Variants in SOX13 observed in about 807,000 individuals in gnomAD.
SOX13 encodes SRY-box transcription factor 13.
A neutral mutation model predicts 71.8 loss-of-function variants in SOX13; 28 were observed. The observed-to-expected ratio is 0.39, with a 90% confidence interval of 0.29 to 0.53. The LOEUF is 0.53. SOX13 is among the 20% of genes least tolerant of loss of function. The pLI, the probability that SOX13 is intolerant of heterozygous loss-of-function variation, is 0.70. For missense variants in SOX13, 627 were observed against 810.3 expected (o/e 0.77, Z 2.75); for synonymous variants, 309 against 317.8 (o/e 0.97, Z 0.29).
At chr1:204,094,243 G>A (rs1010257362) in intron 1 of SOX13, among the ~76,000 whole-genome samples, 53 of 152,342 alleles carry the variant, frequency 3.5e-4, no homozygotes, top group African/African-American at 1.3e-3. Context: ...ATGAGCCCAA[G>A]ATTGTACATT....
At chr1:204,113,156 C>G (rs1185590702) in intron 2 of SOX13, 22 bp downstream of exon 2, 1 of 1,508,148 alleles carries the variant, frequency 6.6e-7, no homozygotes, top group Non-Finnish European at 8.9e-7. Context: ...CGCCCTGCCT[C>G]CATCCTCACA....
chr1:204,117,924 T>C (rs1438510834), intron 7 of SOX13: 15 of 564,778 alleles, frequency 2.7e-5, no homozygotes, highest in Admixed American at 1.2e-4. Flanking sequence ...CCTTTCCAGA[T>C]GTAAAATGAT....
chr1:204,090,792 T>C (rs1656126015), intron 1 of SOX13, among the ~76,000 whole-genome samples: 1 of 152,190 alleles, frequency 6.6e-6, no homozygotes, highest in Admixed American at 6.5e-5. Context: ...AAGTGTGTAT[T>C]GAGCATGGAT....
At chr1:204,097,839 T>A (rs1219306052) in intron 1 of SOX13, among the ~76,000 whole-genome samples, 1 of 152,158 alleles carries the variant, frequency 6.6e-6, no homozygotes, top group Non-Finnish European at 1.5e-5. Flanking sequence ...GGGTGATTTT[T>A]AAAATTGTTT....
At chr1:204,079,765 C>T (rs1655861514) in intron 1 of SOX13, among the ~76,000 whole-genome samples, 1 of 152,190 alleles carries the variant, frequency 6.6e-6, no homozygotes, top group Non-Finnish European at 1.5e-5. Flanking sequence ...CCTGCTCACT[C>T]CTGGCAAGAG....
At chr1:204,082,177 G>T (rs984394863) in intron 1 of SOX13, among the ~76,000 whole-genome samples, 5 of 151,426 alleles carry the variant, frequency 3.3e-5, no homozygotes, top group African/African-American at 1.2e-4. Flanking sequence ...GTGTGTGTTT[G>T]TGAAGGGCTG....
chr1:204,115,492 TAAAAAAAAAAAA>T (rs71145062), intron 4 of SOX13, among the ~76,000 whole-genome samples: 3 of 49,928 alleles, frequency 6.0e-5, no homozygotes, highest in African/African-American at 2.2e-4. Context: ...TTTTTTTTTT[TAAAAAAAAAAAA>T]AAAAAAAAAG....
In SOX13 at chr1:204,124,801, G is replaced by A; in HGVS notation, c.1536G>A (p.Glu512=). ...IVEGKRLRVG[E]YKALMRTRRQ... is the part of the protein sequence containing the mutation. ...AGGGCAAGCGGCTGCGCGTGGGAGA[G>A]TACAAGGCCCTGATGAGGACCCGGC... is the stretch of plus-strand genomic sequence containing the variant. The change falls in exon 13 of 14, where the codon GAG becomes GAA. Residue 512 remains glutamate (E), a synonymous_variant. Coordinates refer to ENST00000367204, the MANE Select transcript of SOX13 (RefSeq NM_005686.3). The A allele has an allele frequency of 6.3e-7, 1 of 1,593,496 alleles. No homozygotes were observed. The highest frequency in any genetic ancestry group is 1.8e-5 in the Admixed American group (1 of 56,860).
Position 204,122,385 on chromosome 1 carries a change from C to A in SOX13, c.1010C>A (p.Pro337Gln). The A allele has an allele frequency of 1.3e-6, 2 of 1,563,530 alleles. No homozygotes were observed. The highest frequency in any genetic ancestry group is 1.7e-6 in the Non-Finnish European group (2 of 1,154,520). The change falls in exon 9 of 14, where the codon CCG becomes CAG. Residue 337 changes from proline (P) to glutamine (Q), a missense_variant. Physicochemically the swap from Pro to Gln is moderately conservative, Grantham distance 76. Transcript: ENST00000367204. ...ACGCGGGACCTGCAGTCCAGCCCCC[C>A]GAGCCTGCCTCTGGGTAAGCCTCCT... is the stretch of plus-strand genomic sequence containing the variant. The part of the protein sequence containing the change: ...GPTRDLQSSP[P>Q]SLPLGFLGEG...
At chr1:204,083,887 T>C (rs1291671277) in intron 1 of SOX13, among the ~76,000 whole-genome samples, 1 of 152,044 alleles carries the variant, frequency 6.6e-6, no homozygotes, top group African/African-American at 2.4e-5. Flanking sequence ...CAGGGCAGGA[T>C]GTTTCGGGAG....
intron 13 of SOX13, among the ~76,000 whole-genome samples, 153 bp downstream of exon 13, chr1:204,125,010 G>A (rs886542647): frequency 6.6e-6 from 1 of 152,140 alleles, no homozygotes; most frequent in African/African-American, 2.4e-5. Flanking sequence ...GTATAGCTGA[G>A]CCTGCACGTG....
At chr1:204,086,927 C>CTT (rs34401152) in intron 1 of SOX13, among the ~76,000 whole-genome samples, 1 of 142,718 alleles carries the variant, frequency 7.0e-6, no homozygotes. Context: ...TTTCTCCTTC[C>CTT]TTTTTTTTTT....
Position 204,113,105 on chromosome 1 carries a change from C to G in SOX13, c.190C>G (p.Pro64Ala). 6.3e-7 allele frequency: 1 copy of G among 1,577,036 alleles called. No homozygotes were observed. Among genetic ancestry groups the G allele is most frequent in the Non-Finnish European group, 8.6e-7 (1 of 1,162,388 alleles). ...CCAGGATAGTGCTGACCCCCAAGCT[C>G]CAGCCCAGGGGAATTTCAGGGGCTC... ...ASQDSADPQA[P>A]AQGNFRGSWD... Residue 64 changes from proline to alanine, a missense_variant, in exon 2 of 14, where the codon CCA becomes GCA. Coordinates refer to ENST00000367204, the MANE Select transcript of SOX13 (RefSeq NM_005686.3).
intron 1 of SOX13, among the ~76,000 whole-genome samples, chr1:204,107,128 C>T (rs1656486151): frequency 6.6e-6 from 1 of 152,212 alleles, no homozygotes; most frequent in African/African-American, 2.4e-5. Flanking sequence ...CTGCGCACAA[C>T]TTACAGAATA....
intron 2 of SOX13, among the ~76,000 whole-genome samples, chr1:204,113,872 C>T (rs1358244623): frequency 6.6e-6 from 1 of 152,124 alleles, no homozygotes; most frequent in Non-Finnish European, 1.5e-5. Flanking sequence ...CCTACCTGCT[C>T]CCCTATGCAG....
chr1:204,082,064 G>C (rs1655917753), intron 1 of SOX13, among the ~76,000 whole-genome samples: 1 of 151,376 alleles, frequency 6.6e-6, no homozygotes, highest in African/African-American at 2.4e-5. Context: ...TTCTTGGCTG[G>C]TGGTGGGGTG....
At chr1:204,105,929 C>T (rs974407970) in intron 1 of SOX13, among the ~76,000 whole-genome samples, 2 of 152,152 alleles carry the variant, frequency 1.3e-5, no homozygotes, top group African/African-American at 4.8e-5. Context: ...CCAGTAACTC[C>T]TGTATCCTGT....
At chr1:204,102,830 A>G (rs1042297317) in intron 1 of SOX13, among the ~76,000 whole-genome samples, 7 of 152,202 alleles carry the variant, frequency 4.6e-5, no homozygotes, top group Admixed American at 1.3e-4. Context: ...AAACTTCCCC[A>G]TGGCCACACA....
At chr1:204,110,695 C>G (rs1553297819) in intron 1 of SOX13, among the ~76,000 whole-genome samples, 1 of 152,024 alleles carries the variant, frequency 6.6e-6, no homozygotes, top group Non-Finnish European at 1.5e-5. Flanking sequence ...TACATGTACT[C>G]TATTATATAC....
Sources: allele counts gnomAD v4.1 joint callset (sites outside exome capture counted in the v4.1 genomes callset), GRCh38; gene constraint gnomAD v4.1.1; transcripts MANE v1.5; gene names NCBI Gene and HGNC (gene_info 2026-07-23, HGNC 2026-07-21).